The following CPE variants were observed in gnomAD, a reference collection of about 807,000 sequenced individuals.
CPE encodes carboxypeptidase E.
A neutral mutation model predicts 53.5 loss-of-function variants in CPE; 17 were observed. The observed-to-expected ratio is 0.32, with a 90% confidence interval of 0.22 to 0.48. The LOEUF (loss-of-function observed/expected upper bound fraction) is 0.48, where lower values mean the gene tolerates loss of function less well. Ranked by LOEUF, CPE falls within the 20% of genes least tolerant of loss-of-function variation. CPE has a pLI of 0.99. For synonymous variants in CPE, 226 were observed against 228.8 expected (o/e 0.99, Z 0.11); for missense variants, 524 against 614.7 (o/e 0.85, Z 1.56).
intron 1 of CPE, among the ~76,000 whole-genome samples, chr4:165,407,044 A>G (rs62352309): frequency 0.016 from 2,478 of 152,322 alleles, 35 homozygotes; most frequent in Non-Finnish European, 0.023. Context: ...GGCTGCTGCT[A>G]TGGCACTTAT....
chr4:165,489,163 A>T (rs1298235317), intron 6 of CPE, among the ~76,000 whole-genome samples: 1 of 152,212 alleles, frequency 6.6e-6, no homozygotes, highest in Non-Finnish European at 1.5e-5. Context: ...GGATCTTCTG[A>T]GAGCAAAGTT....
intron 3 of CPE, among the ~76,000 whole-genome samples, chr4:165,471,827 T>C (rs754326271): frequency 2.0e-5 from 3 of 152,238 alleles, no homozygotes; most frequent in Non-Finnish European, 4.4e-5. Context: ...TTATTGGCTC[T>C]ATAAGTCAAA....
At chr4:165,394,600 G>A (rs1477092606) in intron 1 of CPE, among the ~76,000 whole-genome samples, 1 of 152,134 alleles carries the variant, frequency 6.6e-6, no homozygotes, top group Non-Finnish European at 1.5e-5. Flanking sequence ...ACATACTCGT[G>A]TTGATCTGTT....
At chr4:165,434,549 CT>C (rs1215746828) in intron 1 of CPE, among the ~76,000 whole-genome samples, 6 of 152,108 alleles carry the variant, frequency 3.9e-5, no homozygotes, top group Admixed American at 6.6e-5. Context: ...ATTATATACT[CT>C]TTTTCTTTTG....
chr4:165,482,422 A>G (rs2289230), intron 4 of CPE, 63 bp downstream of exon 4: 534,848 of 1,167,014 alleles, frequency 0.46, 124,837 homozygotes, highest in African/African-American at 0.6. Context: ...AGGTTTTATA[A>G]GATGATTTCT....
intron 1 of CPE, among the ~76,000 whole-genome samples, chr4:165,400,287 G>A (rs1198582539): frequency 6.6e-6 from 1 of 152,166 alleles, no homozygotes; most frequent in East Asian, 1.9e-4. Flanking sequence ...TGGTGAGGGT[G>A]AAAATGGTGA....
chr4:165,398,115 T>C (rs1730801938), intron 1 of CPE, among the ~76,000 whole-genome samples: 1 of 150,000 alleles, frequency 6.7e-6, no homozygotes, highest in African/African-American at 2.5e-5. Context: ...ACATTCATAC[T>C]AAATAATTTA....
At position 165,467,840 on chromosome 4, in the gene CPE, G is replaced by T. The variant is rs754122686; in HGVS notation, c.657G>T (p.Val219=). ...NHLLKNMKKI[V]DQNTKLAPET... ...TGTTGAAAAATATGAAGAAAATTGT[G>T]GATCAAAACACAAAGGTAGTGACCA... The change falls in exon 3 of 9, where the codon GTG becomes GTT. Residue 219 remains valine (V), a synonymous_variant. Coordinates refer to ENST00000402744, the MANE Select transcript of CPE (RefSeq NM_001873.4). 6.2e-7 allele frequency: 1 copy of T among 1,613,338 alleles called. No homozygotes were observed. Among genetic ancestry groups the T allele is most frequent in the East Asian group, 2.2e-5 (1 of 44,802 alleles).
intron 1 of CPE, among the ~76,000 whole-genome samples, chr4:165,451,632 C>T (rs879871412): frequency 5.9e-5 from 9 of 152,126 alleles, no homozygotes; most frequent in Non-Finnish European, 8.8e-5. Flanking sequence ...GCTGGGATTA[C>T]AGGCACATGC....
At chr4:165,392,359 T>C (rs28373383) in intron 1 of CPE, among the ~76,000 whole-genome samples, 1,739 of 146,478 alleles carry the variant, frequency 0.012, 27 homozygotes, top group African/African-American at 0.037. Flanking sequence ...GTAATATACA[T>C]ATATCATATA....
intron 1 of CPE, among the ~76,000 whole-genome samples, chr4:165,428,664 C>T (rs887383615): frequency 1.3e-5 from 2 of 152,132 alleles, no homozygotes; most frequent in African/African-American, 2.4e-5. Context: ...GCTGCTGTTC[C>T]ATCAGAGTCT....
At position 165,379,648 on chromosome 4, in the gene CPE, G is replaced by A. The variant is rs949905607; in HGVS notation, c.307+120G>A. On this transcript the variant is annotated intron_variant, in intron 1 of 8. Coordinates refer to ENST00000402744, the MANE Select transcript of CPE (RefSeq NM_001873.4). The surrounding 1 kb of genome is among the most constrained non-coding windows in gnomAD (Gnocchi z 6.0). ...GCCCAGGGGTGCCTCTTGGTAAAAG[G>A]TATCTAAGGTGGAAGGTGGGAAGTG... 1 of 1,001,996 alleles carries A rather than the reference G, an allele frequency of 1.0e-6. No homozygotes were observed. The highest frequency in any genetic ancestry group is 1.4e-6 in the Non-Finnish European group (1 of 723,606). 62.1% of individuals were successfully genotyped at this position (1,001,996 alleles called of 1,614,324 possible).
intron 8 of CPE, among the ~76,000 whole-genome samples, chr4:165,495,992 G>T (rs1393933272): frequency 6.6e-6 from 1 of 151,884 alleles, no homozygotes; most frequent in Non-Finnish European, 1.5e-5. Flanking sequence ...AGCACCTAGC[G>T]CAGTGCCTTT....
chr4:165,433,851 C>G (rs1731453368), intron 1 of CPE, among the ~76,000 whole-genome samples: 1 of 152,170 alleles, frequency 6.6e-6, no homozygotes, highest in South Asian at 2.1e-4. Context: ...GACATGCATT[C>G]ACAATGTCTT....
chr4:165,487,355 T>C lies in CPE; in HGVS notation c.974-83T>C, dbSNP rs1732523108. ...TGCCCTGGTTTGTGTACCTTTTACT[T>C]GGTTCTTGATTCAGAAGACTAGCCT... On this transcript the variant is annotated intron_variant, in intron 5 of 8. Coordinates refer to ENST00000402744, the MANE Select transcript of CPE (RefSeq NM_001873.4). The C allele has an allele frequency of 2.6e-6, 4 of 1,560,450 alleles. No individual in the cohort carries two copies. In the East Asian group the frequency reaches 9.0e-5, roughly 35 times the overall value.
In CPE at chr4:165,484,489, T is replaced by C. The variant is rs774493094; in HGVS notation, c.858T>C (p.Ser286=). 3.7e-6 allele frequency: 6 copies of C among 1,614,102 alleles called. No homozygotes were observed. The highest frequency in any genetic ancestry group is 5.1e-6 in the Non-Finnish European group (6 of 1,179,978). Residue 286 remains serine, a synonymous_variant, in exon 5 of 9, where the codon TCT becomes TCC. Coordinates refer to ENST00000402744, the MANE Select transcript of CPE (RefSeq NM_001873.4). ...AIFQSLARAY[S]SFNPAMSDPN... ...TCCAAAGCTTGGCCCGGGCATACTC[T>C]TCTTTCAACCCGGCCATGTCTGACC...
At chr4:165,425,936 G>A (rs1394184331) in intron 1 of CPE, among the ~76,000 whole-genome samples, 2 of 152,142 alleles carry the variant, frequency 1.3e-5, no homozygotes, top group African/African-American at 4.8e-5. Context: ...TTATGCCATG[G>A]TTATACCTGT....
intron 7 of CPE, among the ~76,000 whole-genome samples, chr4:165,494,941 C>G (rs1396050821): frequency 6.6e-6 from 1 of 152,182 alleles, no homozygotes; most frequent in Non-Finnish European, 1.5e-5. Flanking sequence ...GGCCTCTGCT[C>G]GCAACCTTAG....
At position 165,417,313 on chromosome 4, in the gene CPE, C is replaced by T. The variant is rs1436820187; in HGVS notation, c.307+37785C>T. On this transcript the variant is annotated intron_variant, in intron 1 of 8. Transcript: ENST00000402744. ...TATTTGGACTAAGTTAAATATAATT[C>T]CCTTGGTATTATTGAATTGCCTTTG... Among the ~76,000 whole-genome samples the T allele has an allele frequency of 2.6e-5, 4 of 152,188 alleles. No homozygotes were observed. In the East Asian group the frequency reaches 7.7e-4, roughly 29 times the overall value.
Sources: gnomAD v4.1 joint callset for allele counts (sites outside exome capture counted in the v4.1 genomes callset) on GRCh38, gnomAD v4.1.1 for gene constraint, Gnocchi (gnomAD v3.1) non-coding constraint, MANE v1.5 for transcripts, NCBI Gene and HGNC (gene_info 2026-07-23, HGNC 2026-07-21) for gene names.